Variants in MTMR9 observed in about 807,000 individuals in gnomAD.
The protein encoded by MTMR9 is myotubularin-related protein 9.
In MTMR9, 39 loss-of-function variants were observed where a neutral mutation model predicts 69.5. That is an observed-to-expected ratio of 0.56 (90% CI 0.43 to 0.73). MTMR9 has a LOEUF of 0.73. MTMR9 is among the 30% of genes least tolerant of loss of function. The probability of loss-of-function intolerance (pLI) is 0.00; values close to 1 mark genes in which losing one functional copy is unlikely to be tolerated. For missense variants in MTMR9, 900 were observed against 671.2 expected, an observed-to-expected ratio of 1.34 and a Z score of -3.77; for synonymous variants, 354 against 240.8, an observed-to-expected ratio of 1.47 and a Z score of -4.35.
chr8:11,307,306 A>C (rs187152661), intron 5 of MTMR9, among the ~76,000 whole-genome samples: 2 of 152,156 alleles, frequency 1.3e-5, no homozygotes, highest in Non-Finnish European at 2.9e-5. Flanking sequence ...TCCTGACCTC[A>C]AGTGATCCTC....
Position 11,306,297 on chromosome 8 carries a change from CATT to C in MTMR9, c.700_702del (p.Ile234del), listed in dbSNP as rs766693999. Reference sequence around the variant, plus strand: ...TCAGGGCTGGAAAGCGTGGCTACATCATTGACACCCGATCCCTGAACGTGGCTC... The same window carrying C: ...TCAGGGCTGGAAAGCGTGGCTACATCGACACCCGATCCCTGAACGTGGCTC... On this transcript the variant is annotated inframe_deletion, in exon 5 of 10. Coordinates refer to ENST00000221086, the MANE Select transcript of MTMR9 (RefSeq NM_015458.4). The C allele has an allele frequency of 6.2e-7, 1 of 1,614,078 alleles. No homozygotes were observed. The highest frequency in any genetic ancestry group is 8.5e-7 in the Non-Finnish European group (1 of 1,179,972).
intron 2 of MTMR9, chr8:11,297,949 T>C (rs1799617596): frequency 2.2e-6 from 1 of 456,148 alleles, no homozygotes; most frequent in South Asian, 1.5e-5. Context: ...CTGGACACGA[T>C]TTGTGAGTAG....
chr8:11,300,211 A>C, intron 3 of MTMR9, 63 bp downstream of exon 3: 2 of 1,564,456 alleles, frequency 1.3e-6, no homozygotes, highest in South Asian at 2.3e-5. Flanking sequence ...TTGACTTGTG[A>C]AAATGATCAC....
chr8:11,297,990 C>T lies in MTMR9; in HGVS notation c.292-2033C>T, dbSNP rs572896889. The T allele has an allele frequency of 1.3e-5, 6 of 455,908 alleles. No homozygotes were observed. The East Asian group carries it at 4.2e-4, about 32-fold the overall frequency. The allele number at this position is 455,908 out of a possible 1,614,324, so 28.2% of individuals were successfully genotyped here. On this transcript the variant is annotated intron_variant, in intron 2 of 9. Coordinates refer to ENST00000221086, the MANE Select transcript of MTMR9 (RefSeq NM_015458.4). ...GAATTTTTCATATAGCATAGCTGAG[C>T]TGTCCTTTGTAATTAGGAGTCCGTA...
intron 1 of MTMR9, among the ~76,000 whole-genome samples, chr8:11,289,168 G>C (rs1169769409): frequency 6.6e-6 from 1 of 152,094 alleles, no homozygotes; most frequent in African/African-American, 2.4e-5. Flanking sequence ...GTGAGTCTCT[G>C]TCTCAAAACA....
chr8:11,328,539 A>G (rs1307230919), downstream of MTMR9, among the ~76,000 whole-genome samples: 1 of 152,212 alleles, frequency 6.6e-6, no homozygotes, highest in African/African-American at 2.4e-5. Context: ...GGTAAAAGGA[A>G]AGCTCTTTCT....
intron 3 of MTMR9, among the ~76,000 whole-genome samples, chr8:11,301,168 CA>C (rs921208947): frequency 5.9e-5 from 9 of 151,892 alleles, no homozygotes; most frequent in African/African-American, 2.2e-4. Context: ...TAGAAATGGA[CA>C]AAATGATACA....
Position 11,295,204 on chromosome 8 carries a change from T to C in MTMR9, c.193T>C (p.Ser65Pro), listed in dbSNP as rs1244202041. The C allele has an allele frequency of 5.6e-6, 9 of 1,594,194 alleles. No homozygotes were observed. The highest frequency in any genetic ancestry group is 1.7e-4 in the Middle Eastern group (1 of 5,966). ...TGCAATTTCTTACAGATTTGTAGGA[T>C]CACTGGGTACCATCATCATAAAATG... ...IDAIDKRFVG[S>P]LGTIIIKCKD... Residue 65 changes from serine (S) to proline (P), a missense_variant, in exon 2 of 10, where the codon TCA (serine) becomes CCA (proline). Coordinates refer to ENST00000221086, the MANE Select transcript of MTMR9 (RefSeq NM_015458.4).
rs1800887173 is a variant in MTMR9, at chr8:11,325,437, A to T, written c.*2649A>T. On this transcript the variant is annotated 3_prime_UTR_variant, in exon 10 of 10. Transcript: ENST00000221086. Reference sequence around the variant, plus strand: ...ACTTGAATGAAGAGAATGGTGGCAGAATGAGTGAGCAAGCAGATTGCCCCA... The same window carrying T: ...ACTTGAATGAAGAGAATGGTGGCAGTATGAGTGAGCAAGCAGATTGCCCCA... 6.6e-6 allele frequency: 1 copy of T among 152,204 alleles called. No homozygotes were observed. Among genetic ancestry groups the T allele is most frequent in the East Asian group, 1.9e-4 (1 of 5,178 alleles). The allele number at this position is 152,204 out of a possible 1,614,324, so 9.4% of individuals were successfully genotyped here.
At position 11,304,969 on chromosome 8, in the gene MTMR9, A is replaced by T. The variant is rs542069898; in HGVS notation, c.546A>T (p.Gly182=). ...ALRKVATFRH[G]GRFPVLSYYH... is the part of the protein sequence containing the mutation. The stretch of plus-strand genomic sequence containing the variant: ...GGAAGGTAGCTACATTTCGACATGG[A>T]GGGCGCTTCCCAGTACTAAGCTATT... Residue 182 remains glycine (G), a synonymous_variant, in exon 4 of 10, where the codon GGA becomes GGT. Transcript: ENST00000221086. The T allele has an allele frequency of 8.4e-5, 135 of 1,614,056 alleles. No homozygotes were observed. The African/African-American group carries it at 1.7e-3, about 20-fold the overall frequency.
At chr8:11,305,082 TC>T in intron 4 of MTMR9, 68 bp downstream of exon 4, 1 of 1,467,742 alleles carries the variant, frequency 6.8e-7, no homozygotes, top group South Asian at 1.2e-5. Flanking sequence ...GTAGAAATGT[TC>T]CCTTTTGCTC....
chr8:11,295,386 T>G lies in MTMR9; in HGVS notation c.291+84T>G, dbSNP rs1799518474. ...GCTCTTCCATTTCTTCATTAGATAA[T>G]TTAGTCATGTTCTCTGACTCAAATA... On this transcript the variant is annotated intron_variant, in intron 2 of 9. Transcript: ENST00000221086. 7 of 835,426 alleles carry G rather than the reference T, an allele frequency of 8.4e-6. No homozygotes were observed. The South Asian group carries it at 1.0e-4, about 12-fold the overall frequency. The allele number at this position is 835,426 out of a possible 1,614,324, so 51.8% of individuals were successfully genotyped here.
At chr8:11,320,057 T>C (rs556882493) in intron 9 of MTMR9, 1 of 484,322 alleles carries the variant, frequency 2.1e-6, no homozygotes, top group Admixed American at 3.8e-5. Context: ...TTAACAGTGT[T>C]TCTTTACATT....
rs1801030520 is a variant in MTMR9, at chr8:11,328,111, T to C, written c.*5323T>C. On this transcript the variant is annotated 3_prime_UTR_variant, in exon 10 of 10. Coordinates refer to ENST00000221086, the MANE Select transcript of MTMR9 (RefSeq NM_015458.4). ...GTTAAATTTCTATAGACGATGGTAATAAAATCTGAATATATTTAAGTGCTA... is the reference window on the plus strand; with the variant it reads ...GTTAAATTTCTATAGACGATGGTAACAAAATCTGAATATATTTAAGTGCTA... The C allele has an allele frequency of 6.6e-6, 1 of 152,204 alleles. No homozygotes were observed. The allele number at this position is 152,204 out of a possible 1,614,324, so 9.4% of individuals were successfully genotyped here. A position where few individuals can be genotyped will look rare whatever the true frequency, so the allele number is the denominator to read the frequency against.
chr8:11,321,591 C>T, intron 9 of MTMR9: 1 of 432,388 alleles, frequency 2.3e-6, no homozygotes, highest in Non-Finnish European at 4.7e-6. Flanking sequence ...TCATGCTCCT[C>T]AACCTAGAGC....
Position 11,304,882 on chromosome 8 carries a change from T to C in MTMR9, c.459T>C (p.Ala153=). The C allele has an allele frequency of 1.2e-6, 2 of 1,614,144 alleles. No homozygotes were observed. Among genetic ancestry groups the C allele is most frequent in the East Asian group, 4.5e-5 (2 of 44,884 alleles). ...TAAGCTATGTCAATAAGGAATTTGC[T>C]GTCTGTCCCTCTTACCCACCAATTG... ...WRLSYVNKEF[A]VCPSYPPIVT... The change falls in exon 4 of 10, where the codon GCT becomes GCC. Residue 153 remains alanine (A), a synonymous_variant. Transcript: ENST00000221086.
chr8:11,286,039 AC>A (rs1323573605), intron 1 of MTMR9, among the ~76,000 whole-genome samples: 1 of 134,336 alleles, frequency 7.4e-6, no homozygotes, highest in African/African-American at 2.9e-5. Context: ...TGTAACCTCC[AC>A]CTCCCAGGTT....
At chr8:11,339,343 A>G in the MTMR9 span, among the ~76,000 whole-genome samples, 1 of 152,242 alleles carries the variant, frequency 6.6e-6, no homozygotes, top group Non-Finnish European at 1.5e-5. Context: ...CCCTTGGAAG[A>G]GTCAGTATAC....
intron 8 of MTMR9, 162 bp downstream of exon 8, chr8:11,317,055 T>G: frequency 2.1e-6 from 1 of 482,278 alleles, no homozygotes; most frequent in Non-Finnish European, 3.6e-6. Flanking sequence ...CTGAAGTATA[T>G]TCTTTTATGA....
Sources: gnomAD v4.1 joint callset for allele counts (sites outside exome capture counted in the v4.1 genomes callset) on GRCh38, gnomAD v4.1.1 for gene constraint, MANE v1.5 for transcripts, NCBI Gene and HGNC (gene_info 2026-07-23, HGNC 2026-07-21) for gene names.